The following ZFHX3 variants were observed in gnomAD, a reference collection of about 807,000 sequenced individuals.
ZFHX3 encodes zinc finger homeobox protein 3.
A neutral mutation model predicts 279.1 loss-of-function variants in ZFHX3; 42 were observed. The ratio of observed to expected loss-of-function variants is 0.15; its 90% CI spans 0.12 to 0.19. The LOEUF is 0.19. Among genes scored for constraint, ZFHX3 ranks in the 10% least tolerant of loss-of-function variants. ZFHX3 has a pLI of 1.00. For missense variants in ZFHX3, 4,981 were observed against 4,754.0 expected (o/e 1.05, Z -1.40); for synonymous variants, 2,293 against 1,957.8 (o/e 1.17, Z -4.52).
chr16:73,342,762 T>C (rs1173521884), intron 3 of ZFHX3, among the ~76,000 whole-genome samples: 1 of 152,182 alleles, frequency 6.6e-6, no homozygotes, highest in Non-Finnish European at 1.5e-5. Flanking sequence ...TTTGCCTTTT[T>C]ACTTAATTTT....
intron 3 of ZFHX3, among the ~76,000 whole-genome samples, chr16:73,326,525 G>A (rs530234200): frequency 2.6e-5 from 4 of 152,156 alleles, no homozygotes; most frequent in Non-Finnish European, 5.9e-5. Flanking sequence ...ACCACATATC[G>A]TATGAGTCTA....
chr16:73,114,642 G>C (rs887664006), intron 7 of ZFHX3, among the ~76,000 whole-genome samples: 2 of 151,966 alleles, frequency 1.3e-5, no homozygotes, highest in Admixed American at 6.5e-5. Flanking sequence ...CTGCGTCACT[G>C]CACTCCAACC....
At chr16:72,932,337 C>A (rs1959860322) in intron 3 of ZFHX3, among the ~76,000 whole-genome samples, 1 of 152,138 alleles carries the variant, frequency 6.6e-6, no homozygotes, top group Non-Finnish European at 1.5e-5. Flanking sequence ...AGGTACTTCT[C>A]AGGGAAGGGG....
intron 1 of ZFHX3, among the ~76,000 whole-genome samples, chr16:72,983,747 C>A (rs980955323): frequency 6.6e-6 from 1 of 151,842 alleles, no homozygotes; most frequent in African/African-American, 2.4e-5. Context: ...GCTGCTTAAG[C>A]CATTGCTCCA....
intron 1 of ZFHX3, among the ~76,000 whole-genome samples, chr16:73,033,117 C>G (rs1178929234): frequency 1.3e-5 from 2 of 152,136 alleles, no homozygotes; most frequent in East Asian, 3.9e-4. Context: ...CCCTTCCAGG[C>G]CTGAGCTCCA....
rs1034835450 is a variant in ZFHX3, at chr16:73,784,406, C to A, written c.-1607-104166G>T. Among the ~76,000 whole-genome samples, 3 of 151,372 alleles carry A rather than the reference C, an allele frequency of 2.0e-5. No homozygotes were observed. The East Asian group carries it at 5.8e-4, about 29-fold the overall frequency. On this transcript the variant is annotated intron_variant, in intron 1 of 17. Transcript: ENST00000641206. ...TCATGGGTCTCTTCCTTAACCATGA[C>A]CAAAAAAGAAAAAAGAAAGACAGAT...
At chr16:73,284,252 G>T (rs1348255927) in intron 4 of ZFHX3, among the ~76,000 whole-genome samples, 1 of 139,220 alleles carries the variant, frequency 7.2e-6, no homozygotes, top group Non-Finnish European at 1.5e-5. Context: ...GGAGGGCAGA[G>T]GTTGCAGTGA....
intron 1 of ZFHX3, among the ~76,000 whole-genome samples, chr16:73,020,492 C>T (rs1300372141): frequency 1.3e-5 from 2 of 152,334 alleles, no homozygotes; most frequent in African/African-American, 2.4e-5. Context: ...TATGGGACAG[C>T]TTCTGAAATA....
chr16:72,959,946 G>A lies in ZFHX3; in HGVS notation c.200C>T (p.Ser67Leu), dbSNP rs372931285. 5.8e-5 allele frequency: 93 copies of A among 1,601,786 alleles called. No individual in the cohort carries two copies. The highest frequency in any genetic ancestry group is 1.5e-4 in the Admixed American group (9 of 58,356). Residue 67 changes from serine (S) to leucine (L), a missense_variant, in exon 2 of 10, where the codon TCG becomes TTG. By Grantham distance (145) the Ser-to-Leu change is moderately radical. Coordinates refer to ENST00000268489, the MANE Select transcript of ZFHX3 (RefSeq NM_006885.4). Reference sequence around the variant, plus strand: ...GGCGGGCTCGGAGGGGGGCCCGGCCGACGCGGTGCTCTCCGCGAGGCGCTC... The same window carrying A: ...GGCGGGCTCGGAGGGGGGCCCGGCCAACGCGGTGCTCTCCGCGAGGCGCTC... The part of the protein sequence containing the change: ...FNERLAESTA[S>L]AGPPSEPASK...
chr16:73,637,798 G>A (rs2052541443), intron 2 of ZFHX3, among the ~76,000 whole-genome samples: 1 of 151,874 alleles, frequency 6.6e-6, no homozygotes, highest in South Asian at 2.1e-4. Flanking sequence ...ACAAAAATCT[G>A]CAATATATAC....
intron 3 of ZFHX3, among the ~76,000 whole-genome samples, chr16:72,923,224 G>A (rs1333637786): frequency 1.3e-5 from 2 of 152,104 alleles, no homozygotes; most frequent in Non-Finnish European, 2.9e-5. Flanking sequence ...AGGATCGATC[G>A]CTCGAGCCCA....
Position 72,859,945 on chromosome 16 carries a change from A to G in ZFHX3, c.3448+29786T>C, listed in dbSNP as rs149678938. Among the ~76,000 whole-genome samples the G allele has an allele frequency of 5.5e-3, 840 of 152,318 alleles. 26 individuals are homozygous for G. Among genetic ancestry groups the G allele is most frequent in the Admixed American group, 0.052 (791 of 15,300 alleles). ...GCTAGTTTACAGAAATGGAAGATAAATAACAATGAAAACAAGGAGAAGAGA... is the reference window on the plus strand; with the variant it reads ...GCTAGTTTACAGAAATGGAAGATAAGTAACAATGAAAACAAGGAGAAGAGA... On this transcript the variant is annotated intron_variant, in intron 4 of 9. Transcript: ENST00000268489.
At position 73,202,399 on chromosome 16, in the gene ZFHX3, G is replaced by T. The variant is rs558407989; in HGVS notation, c.-1104+54648C>A. 1.9e-4 allele frequency among the ~76,000 whole-genome samples: 29 copies of T among 152,336 alleles called. 1 individual carries two copies. The highest frequency in any genetic ancestry group is 3.4e-4 in the Non-Finnish European group (23 of 68,024). ...GGAAGAGAAATATGAAGCCTGAGAA[G>T]AAAATATGAACCTCACCCAGGGTGA... On this transcript the variant is annotated intron_variant, in intron 5 of 17. Coordinates refer to the ZFHX3 transcript ENST00000641206.
chr16:73,505,341 A>G (rs1467928250), intron 2 of ZFHX3, among the ~76,000 whole-genome samples: 1 of 152,158 alleles, frequency 6.6e-6, no homozygotes, highest in Non-Finnish European at 1.5e-5. Context: ...AGCTTACGTC[A>G]CTTACAAGAA....
intron 1 of ZFHX3, among the ~76,000 whole-genome samples, chr16:73,743,227 A>G (rs2053674778): frequency 6.6e-6 from 1 of 152,184 alleles, no homozygotes; most frequent in Admixed American, 6.5e-5. Flanking sequence ...TGCAAATACG[A>G]CCAACTGTGT....
chr16:73,337,557 A>T (rs1433978034), intron 3 of ZFHX3, among the ~76,000 whole-genome samples: 2 of 152,086 alleles, frequency 1.3e-5, no homozygotes, highest in Non-Finnish European at 2.9e-5. Context: ...CACCTTGCAT[A>T]GCACATCTGC....
chr16:73,247,761 G>C (rs1364684271), intron 5 of ZFHX3, among the ~76,000 whole-genome samples: 9 of 151,972 alleles, frequency 5.9e-5, no homozygotes. Context: ...GTATGAGTGT[G>C]TATATACTGC....
intron 1 of ZFHX3, among the ~76,000 whole-genome samples, chr16:73,710,833 T>G (rs566404504): frequency 6.6e-6 from 1 of 152,240 alleles, no homozygotes; most frequent in East Asian, 1.9e-4. Flanking sequence ...CCTCACACAC[T>G]TTATTACTGG....
chr16:73,590,652 G>A (rs933674321), intron 2 of ZFHX3, among the ~76,000 whole-genome samples: 1 of 152,164 alleles, frequency 6.6e-6, no homozygotes, highest in Non-Finnish European at 1.5e-5. Context: ...AAATAATCAA[G>A]TATTTGTCAG....
Sources: gnomAD v4.1 joint callset for allele counts (sites outside exome capture counted in the v4.1 genomes callset) on GRCh38, gnomAD v4.1.1 for gene constraint, MANE v1.5 for transcripts, NCBI Gene and HGNC (gene_info 2026-07-23, HGNC 2026-07-21) for gene names.